The following FBXL7 variants were observed in gnomAD, a reference collection of about 807,000 sequenced individuals.
FBXL7 encodes the protein F-box and leucine rich repeat protein 7, also known as F-box/LRR-repeat protein 7.
FBXL7 carries 12 observed loss-of-function variants against 38.3 expected under a neutral mutation model. That is an observed-to-expected ratio of 0.31 (90% CI 0.20 to 0.51). The LOEUF (loss-of-function observed/expected upper bound fraction) is 0.51. Ranked by LOEUF, FBXL7 falls within the 20% of genes least tolerant of loss-of-function variation. The pLI, the probability that FBXL7 is intolerant of heterozygous loss-of-function variation, is 0.98. For missense variants in FBXL7, 567 were observed against 676.4 expected (o/e 0.84, Z 1.79); for synonymous variants, 297 against 300.9 (o/e 0.99, Z 0.13).
chr5:15,633,313 A>G (rs1398397367), intron 2 of FBXL7, among the ~76,000 whole-genome samples: 3 of 152,166 alleles, frequency 2.0e-5, no homozygotes, highest in Admixed American at 1.3e-4. Context: ...AATTTTGTTG[A>G]ATGTGACTTG....
At chr5:15,788,565 C>T (rs1238199514) in intron 2 of FBXL7, among the ~76,000 whole-genome samples, 1 of 152,168 alleles carries the variant, frequency 6.6e-6, no homozygotes, top group Non-Finnish European at 1.5e-5. Context: ...CAGCCTGCCT[C>T]CACCTCCTTG....
chr5:15,803,507 T>C (rs1370828202), intron 2 of FBXL7, among the ~76,000 whole-genome samples: 2 of 152,146 alleles, frequency 1.3e-5, no homozygotes, highest in African/African-American at 2.4e-5. Context: ...ATATTCTTTG[T>C]TACTCATATT....
intron 2 of FBXL7, among the ~76,000 whole-genome samples, chr5:15,851,587 C>T (rs1249035147): frequency 6.6e-6 from 1 of 152,086 alleles, no homozygotes; most frequent in Non-Finnish European, 1.5e-5. Context: ...CACCCTGAGT[C>T]TCTTAGCATA....
intron 2 of FBXL7, among the ~76,000 whole-genome samples, chr5:15,683,433 G>A (rs1268457953): frequency 1.3e-5 from 2 of 152,112 alleles, no homozygotes; most frequent in African/African-American, 4.8e-5. Context: ...ACCCCCAGGC[G>A]GAGCTCTGCC....
chr5:15,914,014 C>A (rs1741515169), intron 2 of FBXL7, among the ~76,000 whole-genome samples: 1 of 152,176 alleles, frequency 6.6e-6, no homozygotes, highest in African/African-American at 2.4e-5. Flanking sequence ...CAGTAGAGAT[C>A]TTAAAATTCT....
chr5:15,935,604 G>C (rs147494016), intron 3 of FBXL7, among the ~76,000 whole-genome samples: 22 of 152,246 alleles, frequency 1.4e-4, no homozygotes, highest in African/African-American at 5.3e-4. Context: ...GTGGGGAATC[G>C]ACTGTAGGAG....
chr5:15,718,194 G>A (rs2126649422), intron 2 of FBXL7, among the ~76,000 whole-genome samples: 1 of 152,116 alleles, frequency 6.6e-6, no homozygotes, highest in Non-Finnish European at 1.5e-5. Context: ...ATGAGGAGAG[G>A]GAGAGAGAGA....
chr5:15,533,402 A>T (rs553021627), intron 1 of FBXL7, among the ~76,000 whole-genome samples: 103 of 152,342 alleles, frequency 6.8e-4, no homozygotes, highest in Non-Finnish European at 1.3e-3. Flanking sequence ...TATGAGTGAT[A>T]TTAAGCATTG....
intron 2 of FBXL7, among the ~76,000 whole-genome samples, chr5:15,676,336 A>G (rs1369679607): frequency 6.6e-6 from 1 of 152,218 alleles, no homozygotes; most frequent in Non-Finnish European, 1.5e-5. Flanking sequence ...CTGCTGTCAT[A>G]TCCGATTGGC....
intron 2 of FBXL7, among the ~76,000 whole-genome samples, chr5:15,666,832 C>CA (rs940862439): frequency 3.9e-4 from 60 of 152,174 alleles, no homozygotes; most frequent in Admixed American, 1.2e-3. Context: ...TTAGAGAAAA[C>CA]AAAAAATAAA....
intron 1 of FBXL7, among the ~76,000 whole-genome samples, chr5:15,517,812 T>C (rs1736984045): frequency 6.6e-6 from 1 of 152,112 alleles, no homozygotes; most frequent in Non-Finnish European, 1.5e-5. Flanking sequence ...CTTACCTGAT[T>C]TGTGAATTTG....
intron 2 of FBXL7, among the ~76,000 whole-genome samples, chr5:15,769,095 G>A (rs561451657): frequency 6.6e-6 from 1 of 152,222 alleles, no homozygotes; most frequent in Non-Finnish European, 1.5e-5. Context: ...GCTGCATGGA[G>A]ATCCCTCACT....
chr5:15,923,553 A>C (rs1741801323), intron 2 of FBXL7, among the ~76,000 whole-genome samples: 1 of 152,234 alleles, frequency 6.6e-6, no homozygotes, highest in Non-Finnish European at 1.5e-5. Flanking sequence ...AATACATTTA[A>C]TGTATTTGTG....
At chr5:15,738,566 G>C (rs113063407) in intron 2 of FBXL7, among the ~76,000 whole-genome samples, 1,873 of 152,112 alleles carry the variant, frequency 0.012, 42 homozygotes, top group African/African-American at 0.043. Context: ...CAGCTCTCTT[G>C]GTCAAGAAAA....
chr5:15,738,437 T>G (rs1735812428), intron 2 of FBXL7, among the ~76,000 whole-genome samples: 1 of 152,220 alleles, frequency 6.6e-6, no homozygotes, highest in Non-Finnish European at 1.5e-5. Flanking sequence ...TGTGGTATGT[T>G]AGCTTTACTG....
chr5:15,740,004 C>T (rs1735854205), intron 2 of FBXL7, among the ~76,000 whole-genome samples: 1 of 152,154 alleles, frequency 6.6e-6, no homozygotes, highest in Admixed American at 6.5e-5. Context: ...ATATTCCTTT[C>T]TGCATTGTGT....
At chr5:15,914,616 AC>A (rs1741533731) in intron 2 of FBXL7, among the ~76,000 whole-genome samples, 1 of 152,184 alleles carries the variant, frequency 6.6e-6, no homozygotes, top group African/African-American at 2.4e-5. Context: ...AGGGGCAAAA[AC>A]AAAAGACCTG....
intron 2 of FBXL7, among the ~76,000 whole-genome samples, chr5:15,651,536 T>C (rs970049875): frequency 2.0e-5 from 3 of 152,224 alleles, no homozygotes; most frequent in African/African-American, 7.2e-5. Flanking sequence ...CCAGATGCAT[T>C]GTCAGTGAAC....
At chr5:15,836,352 A>G (rs953667841) in intron 2 of FBXL7, among the ~76,000 whole-genome samples, 1 of 152,202 alleles carries the variant, frequency 6.6e-6, no homozygotes, top group Non-Finnish European at 1.5e-5. Context: ...GACAAATTAT[A>G]TAGTATTTTG....
Sources: allele counts gnomAD v4.1 joint callset (sites outside exome capture counted in the v4.1 genomes callset), GRCh38; gene constraint gnomAD v4.1.1; transcripts MANE v1.5; gene names NCBI Gene and HGNC (gene_info 2026-07-23, HGNC 2026-07-21).